Variants in CDIN1 observed in about 807,000 individuals in gnomAD.
CDIN1 encodes the protein CDAN1-interacting nuclease 1.
In CDIN1, 33 loss-of-function variants were observed where a neutral mutation model predicts 45.3. The ratio of observed to expected loss-of-function variants is 0.73; its 90% CI spans 0.55 to 0.97. CDIN1 has a LOEUF of 0.97. Among genes scored for constraint, CDIN1 ranks in the 50% least tolerant of loss-of-function variants. The probability of loss-of-function intolerance (pLI) is 0.00; values close to 1 mark genes in which losing one functional copy is unlikely to be tolerated. For missense variants in CDIN1, 303 were observed against 339.4 expected, an observed-to-expected ratio of 0.89 and a Z score of 0.84; for synonymous variants, 118 against 124.4, an observed-to-expected ratio of 0.95 and a Z score of 0.34.
At chr15:36,799,112 C>G (rs893564472) in intron 10 of CDIN1, 10 of 152,166 alleles carry the variant, frequency 6.6e-5, no homozygotes, top group Non-Finnish European at 1.3e-4. Context: ...ATAATTCACA[C>G]GACCAATTTT....
chr15:36,617,436 A>T, intron 1 of CDIN1: 1 of 1,104,392 alleles, frequency 9.1e-7, no homozygotes, highest in South Asian at 1.2e-5. Flanking sequence ...CAATTTCTAC[A>T]GAAGACCTAA....
chr15:36,693,002 A>G (rs2140723767), intron 7 of CDIN1, among the ~76,000 whole-genome samples: 1 of 152,296 alleles, frequency 6.6e-6, no homozygotes, highest in South Asian at 2.1e-4. Flanking sequence ...TCTTAATAAT[A>G]TAAACATGTC....
At chr15:36,806,182 T>C (rs2055220317) in intron 10 of CDIN1, among the ~76,000 whole-genome samples, 1 of 152,164 alleles carries the variant, frequency 6.6e-6, no homozygotes, top group Non-Finnish European at 1.5e-5. Flanking sequence ...GCAAAACCTT[T>C]TTGAGTTGCA....
chr15:36,703,358 CAGATAGATCTA>C lies in CDIN1; in HGVS notation c.545-5864_545-5854del, dbSNP rs1381306712. ...AGATCTATCAGATATATACATATAT[CAGATAGATCTA>C]TCATATATATATATATCAGATATAT... On this transcript the variant is annotated intron_variant, in intron 8 of 10. Transcript: ENST00000566621. Among the ~76,000 whole-genome samples the C allele has an allele frequency of 5.4e-4, 29 of 54,012 alleles. 1 individual carries two copies. Among genetic ancestry groups the C allele is most frequent in the East Asian group, 7.7e-4 (1 of 1,306 alleles). 35.4% of individuals were successfully genotyped at this position (54,012 alleles called of 152,430 possible).
At chr15:36,805,961 T>G (rs2055213912) in intron 10 of CDIN1, among the ~76,000 whole-genome samples, 2 of 152,178 alleles carry the variant, frequency 1.3e-5, no homozygotes, top group Admixed American at 1.3e-4. Context: ...TCTTAATTAA[T>G]TAGAGACATA....
intron 1 of CDIN1, among the ~76,000 whole-genome samples, chr15:36,621,155 C>G (rs1430517799): frequency 2.0e-5 from 3 of 152,174 alleles, no homozygotes; most frequent in Non-Finnish European, 4.4e-5. Context: ...ATAGTAAGAA[C>G]TGTCCCATAT....
At chr15:36,636,585 C>T (rs1312675178) in intron 1 of CDIN1, among the ~76,000 whole-genome samples, 2 of 151,642 alleles carry the variant, frequency 1.3e-5, no homozygotes, top group Non-Finnish European at 1.5e-5. Context: ...AAGAACGTAA[C>T]GGAGATGAAA....
intron 3 of CDIN1, among the ~76,000 whole-genome samples, chr15:36,650,952 A>G (rs556612591): frequency 6.6e-6 from 1 of 152,132 alleles, no homozygotes; most frequent in East Asian, 1.9e-4. Context: ...AGTCTCAGCT[A>G]CTTGGGAGAC....
chr15:36,703,370 T>TA (rs2042731812), intron 8 of CDIN1, among the ~76,000 whole-genome samples: 1 of 47,560 alleles, frequency 2.1e-5, no homozygotes, highest in Non-Finnish European at 3.5e-5. Flanking sequence ...GATAGATCTA[T>TA]CATATATATA....
intron 1 of CDIN1, among the ~76,000 whole-genome samples, chr15:36,595,643 T>A (rs2037785607): frequency 6.6e-6 from 1 of 152,174 alleles, no homozygotes; most frequent in South Asian, 2.1e-4. Flanking sequence ...ATATATTCCC[T>A]GGGACTGATC....
At chr15:36,651,455 A>G (rs921152327) in intron 3 of CDIN1, among the ~76,000 whole-genome samples, 2 of 152,234 alleles carry the variant, frequency 1.3e-5, no homozygotes, top group Non-Finnish European at 2.9e-5. Context: ...CTTTGATTAC[A>G]TATCTGAAAA....
chr15:36,726,568 A>G (rs2043633920), intron 10 of CDIN1, among the ~76,000 whole-genome samples: 1 of 152,234 alleles, frequency 6.6e-6, no homozygotes, highest in African/African-American at 2.4e-5. Flanking sequence ...ACATTTATCT[A>G]CATAGGAATA....
At chr15:36,767,877 T>C (rs1171865189) in intron 10 of CDIN1, among the ~76,000 whole-genome samples, 2 of 152,200 alleles carry the variant, frequency 1.3e-5, no homozygotes, top group Non-Finnish European at 2.9e-5. Context: ...TTGCCTTCCA[T>C]CAAGGAATGA....
chr15:36,639,850 C>CT (rs894013933), intron 1 of CDIN1, among the ~76,000 whole-genome samples: 8 of 151,520 alleles, frequency 5.3e-5, no homozygotes, highest in South Asian at 2.1e-4. Context: ...TTATTAAGAA[C>CT]TTTTTTTTTA....
At chr15:36,613,747 G>A in intron 1 of CDIN1, 1 of 1,594,048 alleles carries the variant, frequency 6.3e-7, no homozygotes, top group Admixed American at 1.7e-5. Flanking sequence ...CAGGTATGAA[G>A]GTTTTTGAAA....
At chr15:36,695,640 A>G (rs2042395471) in intron 7 of CDIN1, among the ~76,000 whole-genome samples, 1 of 152,162 alleles carries the variant, frequency 6.6e-6, no homozygotes, top group Non-Finnish European at 1.5e-5. Context: ...TGAAGTTAGG[A>G]GTTTGAGACC....
chr15:36,739,410 GCAAAACAAAACAAAACAAAA>G (rs139738188), intron 10 of CDIN1, among the ~76,000 whole-genome samples: 1 of 150,948 alleles, frequency 6.6e-6, no homozygotes, highest in Non-Finnish European at 1.5e-5. Flanking sequence ...GTCTCTAAAT[GCAAAACAAAACAAAACAAAA>G]CAAAACAAAA....
chr15:36,626,904 T>G (rs2039452778), intron 1 of CDIN1: 1 of 205,924 alleles, frequency 4.9e-6, no homozygotes, highest in Non-Finnish European at 1.0e-5. Context: ...TCCCCAGGGA[T>G]GTGGTGAGTC....
intron 1 of CDIN1, among the ~76,000 whole-genome samples, chr15:36,631,550 A>G (rs1566849296): frequency 6.6e-6 from 1 of 152,094 alleles, no homozygotes. Context: ...CATATATTTT[A>G]CAGACTTATC....
Sources: gnomAD v4.1 joint callset for allele counts (sites outside exome capture counted in the v4.1 genomes callset) on GRCh38, gnomAD v4.1.1 for gene constraint, MANE v1.5 for transcripts, NCBI Gene and HGNC (gene_info 2026-07-23, HGNC 2026-07-21) for gene names.